GPC5: variants seen among roughly 807,000 people sequenced by gnomAD.
GPC5 encodes the protein glypican 5.
Under a neutral mutation model 53.9 loss-of-function variants are expected in GPC5, and 47 were observed. The observed-to-expected ratio is 0.87, with a 90% CI of 0.69 to 1.11. GPC5 has a LOEUF of 1.11. GPC5 is among the 50% of genes most tolerant of loss of function. GPC5 has a pLI of 0.00. For synonymous variants in GPC5, 286 were observed against 263.3 expected (o/e 1.09, Z -0.84); for missense variants, 748 against 713.1 (o/e 1.05, Z -0.56).
At chr13:92,191,049 G>A (rs570023527) in intron 7 of GPC5, among the ~76,000 whole-genome samples, 3 of 152,144 alleles carry the variant, frequency 2.0e-5, no homozygotes, top group Admixed American at 6.5e-5. Flanking sequence ...ACATAATCAA[G>A]AGTAACTGAG....
chr13:91,542,759 C>T (rs1039857859), intron 2 of GPC5, among the ~76,000 whole-genome samples: 1 of 152,026 alleles, frequency 6.6e-6, no homozygotes, highest in Admixed American at 6.6e-5. Context: ...TCTCAGCTCA[C>T]TGCAACCTCT....
At chr13:91,474,271 T>C (rs1262502665) in intron 2 of GPC5, among the ~76,000 whole-genome samples, 1 of 152,144 alleles carries the variant, frequency 6.6e-6, no homozygotes, top group Admixed American at 6.6e-5. Flanking sequence ...TTATAGAAGA[T>C]CTTGGAAGAA....
intron 5 of GPC5, among the ~76,000 whole-genome samples, chr13:91,851,233 T>C (rs1335282927): frequency 6.6e-6 from 1 of 152,090 alleles, no homozygotes; most frequent in Non-Finnish European, 1.5e-5. Flanking sequence ...CTGAATACTG[T>C]AGGCAATTGT....
chr13:91,571,860 CGT>C (rs751776139), intron 2 of GPC5, among the ~76,000 whole-genome samples: 4 of 120,412 alleles, frequency 3.3e-5, no homozygotes, highest in Admixed American at 7.9e-5. Context: ...TACACATATA[CGT>C]GTGTGTATAT....
intron 7 of GPC5, among the ~76,000 whole-genome samples, chr13:92,300,040 T>A (rs537745602): frequency 3.3e-4 from 51 of 152,308 alleles, no homozygotes; most frequent in African/African-American, 1.2e-3. Flanking sequence ...AATTGATTAA[T>A]CTCTCCATAA....
chr13:91,804,758 G>A (rs1273527700), intron 5 of GPC5, among the ~76,000 whole-genome samples: 1 of 152,144 alleles, frequency 6.6e-6, no homozygotes, highest in Non-Finnish European at 1.5e-5. Context: ...GTCCCTAAGA[G>A]AGGCAGGTTT....
intron 7 of GPC5, among the ~76,000 whole-genome samples, chr13:92,257,546 A>ATTTTTTTTGTTTTTTTTTTTTTTTTTTT (rs2042735294): frequency 1.4e-5 from 1 of 72,966 alleles, no homozygotes; most frequent in Non-Finnish European, 2.3e-5. Context: ...TAATACAGGG[A>ATTTTTTTTGTTTTTTTTTTTTTTTTTTT]TTTTTTTTTT....
chr13:92,860,710 A>G (rs924363193), intron 7 of GPC5, among the ~76,000 whole-genome samples: 5 of 152,090 alleles, frequency 3.3e-5, no homozygotes, highest in Non-Finnish European at 7.4e-5. Context: ...TATTCAGAAG[A>G]TATTTGTCAA....
At chr13:92,807,940 G>A (rs1284538030) in intron 7 of GPC5, among the ~76,000 whole-genome samples, 1 of 151,978 alleles carries the variant, frequency 6.6e-6, no homozygotes, top group Non-Finnish European at 1.5e-5. Flanking sequence ...GAAAGCACTG[G>A]TCCATGTAAA....
intron 6 of GPC5, among the ~76,000 whole-genome samples, chr13:91,994,190 A>G (rs1387355478): frequency 2.6e-5 from 4 of 152,236 alleles, no homozygotes; most frequent in Admixed American, 2.6e-4. Flanking sequence ...CTGCAAGTGA[A>G]TATGCATGTA....
chr13:91,677,702 A>G (rs554652538), intron 2 of GPC5, among the ~76,000 whole-genome samples: 3 of 152,280 alleles, frequency 2.0e-5, no homozygotes, highest in South Asian at 4.1e-4. Context: ...GAATTGGTAA[A>G]TGTTTATAAA....
intron 2 of GPC5, among the ~76,000 whole-genome samples, chr13:91,653,362 G>T (rs2034764825): frequency 6.6e-6 from 1 of 152,096 alleles, no homozygotes; most frequent in Non-Finnish European, 1.5e-5. Context: ...TAGCAGGATG[G>T]TTACCAGAGC....
chr13:92,712,158 A>G (rs1888161942), intron 7 of GPC5, among the ~76,000 whole-genome samples: 1 of 152,020 alleles, frequency 6.6e-6, no homozygotes, highest in South Asian at 2.1e-4. Context: ...CAAAAAAGAT[A>G]AAAGAGACAA....
intron 3 of GPC5, among the ~76,000 whole-genome samples, chr13:91,720,750 G>T (rs1566636049): frequency 6.6e-6 from 1 of 152,102 alleles, no homozygotes; most frequent in African/African-American, 2.4e-5. Context: ...TCTTCCTTTA[G>T]TCTTCTCTAT....
chr13:92,309,934 G>T (rs1645798774), intron 7 of GPC5, among the ~76,000 whole-genome samples: 1 of 152,020 alleles, frequency 6.6e-6, no homozygotes, highest in Non-Finnish European at 1.5e-5. Context: ...TCCCCTGGCA[G>T]TCTTCTTCTC....
intron 7 of GPC5, among the ~76,000 whole-genome samples, chr13:92,438,667 A>C (rs909814951): frequency 6.6e-6 from 1 of 152,132 alleles, no homozygotes; most frequent in Non-Finnish European, 1.5e-5. Flanking sequence ...CATTAGACAT[A>C]ATCCAAATTG....
intron 2 of GPC5, among the ~76,000 whole-genome samples, chr13:91,501,368 T>A (rs1198615769): frequency 6.6e-6 from 1 of 151,736 alleles, no homozygotes; most frequent in African/African-American, 2.4e-5. Flanking sequence ...TAACATTAGG[T>A]ATATCTCCAA....
At chr13:92,078,771 C>T (rs906851595) in intron 6 of GPC5, among the ~76,000 whole-genome samples, 2 of 152,130 alleles carry the variant, frequency 1.3e-5, no homozygotes, top group South Asian at 2.1e-4. Context: ...CTTACCATAA[C>T]GTGGGGAGGG....
intron 5 of GPC5, among the ~76,000 whole-genome samples, chr13:91,782,610 C>T (rs1396796755): frequency 2.0e-5 from 3 of 152,088 alleles, no homozygotes; most frequent in Non-Finnish European, 2.9e-5. Flanking sequence ...GATTACAATT[C>T]GAGATGAGAT....
Sources: allele counts gnomAD v4.1 joint callset (sites outside exome capture counted in the v4.1 genomes callset), GRCh38; gene constraint gnomAD v4.1.1; transcripts MANE v1.5; gene names NCBI Gene and HGNC (gene_info 2026-07-23, HGNC 2026-07-21).